LNPEP: variants seen among roughly 807,000 people sequenced by gnomAD.
LNPEP encodes the protein leucyl-cystinyl aminopeptidase.
A neutral mutation model predicts 120.6 loss-of-function variants in LNPEP; 64 were observed. That is an observed-to-expected ratio of 0.53 (90% CI 0.43 to 0.65). The LOEUF (loss-of-function observed/expected upper bound fraction) is 0.65, where lower values mean the gene tolerates loss of function less well. LNPEP is among the 30% of genes least tolerant of loss of function. LNPEP has a pLI of 0.00. For missense variants in LNPEP, 1,057 were observed against 1,200.0 expected (o/e 0.88, Z 1.76); for synonymous variants, 435 against 425.4 (o/e 1.02, Z -0.28).
chr5:96,979,567 T>A lies in LNPEP; in HGVS notation c.449T>A (p.Leu150Gln). Residue 150 changes from leucine to glutamine, a missense_variant, in exon 2 of 18, where the codon CTA becomes CAA. Physicochemically the swap from Leu to Gln is moderately radical, Grantham distance 113. Coordinates refer to ENST00000231368, the MANE Select transcript of LNPEP (RefSeq NM_005575.3). The part of the protein sequence containing the change: ...GCHKKNQSIG[L>Q]IQPFATNGKL... ...CATAAAAAAAACCAGTCAATTGGAC[T>A]AATTCAGCCATTTGCAACAAATGGG... 1 of 1,614,104 alleles carries A rather than the reference T, an allele frequency of 6.2e-7. No individual in the cohort carries two copies. The highest frequency in any genetic ancestry group is 8.5e-7 in the Non-Finnish European group (1 of 1,179,974).
chr5:96,993,720 C>T, intron 5 of LNPEP, 97 bp from the exon 6 acceptor site: 1 of 1,108,580 alleles, frequency 9.0e-7, no homozygotes, highest in Non-Finnish European at 1.3e-6. Context: ...AAAAAGAATT[C>T]ATTGCTTTCA....
rs528454001 is a variant in LNPEP, at chr5:96,979,351, G to A, written c.233G>A (p.Gly78Asp). The A allele has an allele frequency of 3.9e-5, 63 of 1,614,080 alleles. No individual in the cohort carries two copies. In the Admixed American group the frequency reaches 7.3e-4, roughly 19 times the overall value. Reference sequence around the variant, plus strand: ...TATGAGTCATCAGCAAAGCTGCTGGGCATGTCCTTCATGAATAGAAGCTCA... The same window carrying A: ...TATGAGTCATCAGCAAAGCTGCTGGACATGTCCTTCATGAATAGAAGCTCA... ...EDYESSAKLL[G>D]MSFMNRSSGL... The change falls in exon 2 of 18, where the codon GGC (glycine) becomes GAC (aspartate). Residue 78 changes from glycine (G) to aspartate (D), a missense_variant. By Grantham distance (94) the Gly-to-Asp change is moderately conservative. Coordinates refer to ENST00000231368, the MANE Select transcript of LNPEP (RefSeq NM_005575.3).
rs184276294 is a variant in LNPEP, at chr5:97,037,430, G to T, written c.*8897G>T. The T allele has an allele frequency of 6.6e-6, 1 of 152,236 alleles. No homozygotes were observed. The highest frequency in any genetic ancestry group is 1.9e-4 in the East Asian group (1 of 5,186). 9.4% of individuals were successfully genotyped at this position (152,236 alleles called of 1,614,324 possible). A position where few individuals can be genotyped will look rare whatever the true frequency, so the allele number is the denominator to read the frequency against. On this transcript the variant is annotated 3_prime_UTR_variant, in exon 18 of 18. Transcript: ENST00000231368. ...ATTTCTGATAACTTGTTTTGCATAT[G>T]ACCAGCACTGACTGAAAGGCATGTG...
chr5:96,978,852 G>A (rs73135423), intron 1 of LNPEP, among the ~76,000 whole-genome samples: 3,760 of 152,240 alleles, frequency 0.025, 157 homozygotes, highest in African/African-American at 0.086. Flanking sequence ...GTATATTAAG[G>A]AAATTAGTAT....
chr5:97,024,425 C>T, intron 14 of LNPEP, 96 bp from the exon 15 acceptor site: 1 of 1,135,554 alleles, frequency 8.8e-7, no homozygotes. Flanking sequence ...TTATTATTAC[C>T]AACCCTCACA....
At chr5:96,945,177 G>T (rs1789158115) in intron 1 of LNPEP, among the ~76,000 whole-genome samples, 1 of 151,964 alleles carries the variant, frequency 6.6e-6, no homozygotes, top group South Asian at 2.1e-4. Context: ...CAGGAAGATT[G>T]CTTGAGGCCA....
At chr5:97,002,563 T>A (rs957077416) in intron 8 of LNPEP, among the ~76,000 whole-genome samples, 1 of 152,218 alleles carries the variant, frequency 6.6e-6, no homozygotes, top group Admixed American at 6.5e-5. Context: ...CATTACTACA[T>A]TTTTATCAAA....
At chr5:96,976,177 C>T (rs901616660) in intron 1 of LNPEP, among the ~76,000 whole-genome samples, 1 of 152,036 alleles carries the variant, frequency 6.6e-6, no homozygotes, top group African/African-American at 2.4e-5. Context: ...CATGTATCTT[C>T]ATGGGATACC....
chr5:97,017,356 A>G (rs2112662033), intron 13 of LNPEP, among the ~76,000 whole-genome samples: 1 of 152,200 alleles, frequency 6.6e-6, no homozygotes, highest in East Asian at 1.9e-4. Context: ...AGAGTTCTGT[A>G]TATATCCTAG....
chr5:96,994,774 T>G (rs1790469368), intron 6 of LNPEP, among the ~76,000 whole-genome samples: 1 of 152,178 alleles, frequency 6.6e-6, no homozygotes, highest in African/African-American at 2.4e-5. Context: ...TGTGAAGACT[T>G]CATGACAAGC....
intron 14 of LNPEP, 66 bp from the exon 15 acceptor site, chr5:97,024,455 C>A: frequency 6.9e-7 from 1 of 1,459,336 alleles, no homozygotes; most frequent in Non-Finnish European, 9.4e-7. Flanking sequence ...CCACCACAGC[C>A]AACTCTTCGC....
chr5:96,958,208 G>A (rs1437665749), intron 1 of LNPEP, among the ~76,000 whole-genome samples: 3 of 152,222 alleles, frequency 2.0e-5, no homozygotes, highest in Non-Finnish European at 4.4e-5. Context: ...AAATGAAAAT[G>A]TGGACACCTG....
rs1391450470 is a variant in LNPEP at position 96,966,506 on chromosome 5, A to ATTTT, written c.20-12629_20-12628insTTTT. 1.2e-3 allele frequency among the ~76,000 whole-genome samples: 140 copies of ATTTT among 114,748 alleles called. 2 individuals are homozygous for ATTTT. The highest frequency in any genetic ancestry group is 4.4e-3 in the African/African-American group (134 of 30,220). The allele number at this position is 114,748 out of a possible 152,430, so 75.3% of individuals were successfully genotyped here. A position where few individuals can be genotyped will look rare whatever the true frequency, so the allele number is the denominator to read the frequency against. On this transcript the variant is annotated intron_variant, in intron 1 of 17. Transcript: ENST00000231368. ...CAGAGTGAGACTCTGTCTTACATAT[A>ATTTT]TTTGTGTGTGTGTGTGTGTGTGTGT...
rs1384651126 is a variant in LNPEP, at chr5:97,036,330, T to A, written c.*7797T>A. On this transcript the variant is annotated 3_prime_UTR_variant, in exon 18 of 18. Coordinates refer to ENST00000231368, the MANE Select transcript of LNPEP (RefSeq NM_005575.3). ...GAGGTCTTTTGTGTGACTGCATCTT[T>A]CTCCTCCGTTCTCCATTGTGTGCTT... 3 of 152,170 alleles carry A rather than the reference T, an allele frequency of 2.0e-5. No homozygotes were observed. Among genetic ancestry groups the A allele is most frequent in the Non-Finnish European group, 4.4e-5 (3 of 68,018 alleles). 9.4% of individuals were successfully genotyped at this position (152,170 alleles called of 1,614,324 possible). A position where few individuals can be genotyped will look rare whatever the true frequency, so the allele number is the denominator to read the frequency against.
At chr5:97,001,790 A>T (rs1026670426) in intron 8 of LNPEP, among the ~76,000 whole-genome samples, 1 of 152,158 alleles carries the variant, frequency 6.6e-6, no homozygotes, top group African/African-American at 2.4e-5. Context: ...GGTTGATAAG[A>T]TGAGCCTGAG....
chr5:96,951,449 G>A (rs1367705973), intron 1 of LNPEP, among the ~76,000 whole-genome samples: 1 of 152,034 alleles, frequency 6.6e-6, no homozygotes, highest in Admixed American at 6.5e-5. Flanking sequence ...TAGTAGAGAC[G>A]GGGTTTCACT....
Position 97,031,341 on chromosome 5 carries a change from G to A in LNPEP, c.*2808G>A, listed in dbSNP as rs1400527680. On this transcript the variant is annotated 3_prime_UTR_variant, in exon 18 of 18. Transcript: ENST00000231368. ...GTAGTATCAGCTTCACCATAAGCTT[G>A]GGCCTTCCTCCATCTTGTTTTATTT... 3 of 152,066 alleles carry A rather than the reference G, an allele frequency of 2.0e-5. No individual in the cohort carries two copies. Among genetic ancestry groups the A allele is most frequent in the Admixed American group, 1.3e-4 (2 of 15,260 alleles). 9.4% of individuals were successfully genotyped at this position (152,066 alleles called of 1,614,324 possible). A position where few individuals can be genotyped will look rare whatever the true frequency, so the allele number is the denominator to read the frequency against.
chr5:96,969,580 G>T (rs1001879565), intron 1 of LNPEP, among the ~76,000 whole-genome samples: 7 of 151,968 alleles, frequency 4.6e-5, no homozygotes, highest in African/African-American at 1.7e-4. Context: ...TGAAAAATTG[G>T]TTTTGGAGAT....
At chr5:96,969,019 G>C (rs1410971719) in intron 1 of LNPEP, among the ~76,000 whole-genome samples, 1 of 152,040 alleles carries the variant, frequency 6.6e-6, no homozygotes, top group Admixed American at 6.6e-5. Flanking sequence ...GCTGTGACCT[G>C]AACAACTGCA....
Sources: allele counts gnomAD v4.1 joint callset (sites outside exome capture counted in the v4.1 genomes callset), GRCh38; gene constraint gnomAD v4.1.1; transcripts MANE v1.5; gene names NCBI Gene and HGNC (gene_info 2026-07-23, HGNC 2026-07-21).